Variants in TEAD4 observed in about 807,000 individuals in gnomAD.
TEAD4 encodes transcriptional enhancer factor TEF-3.
Under a neutral mutation model 52.4 loss-of-function variants are expected in TEAD4, and 36 were observed. That is an observed-to-expected ratio of 0.69 (90% confidence interval 0.53 to 0.91). The LOEUF (loss-of-function observed/expected upper bound fraction) is 0.91. Among genes scored for constraint, TEAD4 ranks in the 40% least tolerant of loss-of-function variants. TEAD4 has a pLI of 0.00. For synonymous variants in TEAD4, 220 were observed against 231.0 expected, an observed-to-expected ratio of 0.95 and a Z score of 0.43; for missense variants, 508 against 583.9, an observed-to-expected ratio of 0.87 and a Z score of 1.34.
intron 2 of TEAD4, among the ~76,000 whole-genome samples, chr12:2,964,107 CCCT>C (rs900763015): frequency 2.6e-5 from 4 of 152,110 alleles, no homozygotes; most frequent in African/African-American, 9.7e-5. Context: ...TGGGGTGGGG[CCCT>C]CCTCCAAAGG....
At position 2,994,625 on chromosome 12, in the gene TEAD4, G is replaced by A. The variant is rs149772730; in HGVS notation, c.-29-113G>A. The A allele has an allele frequency of 5.1e-6, 7 of 1,364,036 alleles. 1 individual carries two copies. The highest frequency in any genetic ancestry group is 2.7e-4 in the Middle Eastern group (1 of 3,724). 84.5% of individuals were successfully genotyped at this position (1,364,036 alleles called of 1,614,324 possible). A position where few individuals can be genotyped will look rare whatever the true frequency, so the allele number is the denominator to read the frequency against. ...GATTCTCACAGATCTTTCACTTCACGCTTTGCTTCCTGAGCAACTGATTCG... is the reference window on the plus strand; with the variant it reads ...GATTCTCACAGATCTTTCACTTCACACTTTGCTTCCTGAGCAACTGATTCG... On this transcript the variant is annotated intron_variant, in intron 2 of 12. Transcript: ENST00000359864. The surrounding 1 kb of genome is among the most constrained non-coding windows in gnomAD (Gnocchi z 4.7).
At chr12:3,019,354 G>A (rs1028669997) in intron 8 of TEAD4, among the ~76,000 whole-genome samples, 184 bp downstream of exon 8, 2 of 152,178 alleles carry the variant, frequency 1.3e-5, no homozygotes, top group Admixed American at 6.5e-5. Flanking sequence ...CACCTCAGCC[G>A]TGTGCCAAGC....
At chr12:3,039,451 G>A (rs780525808) in intron 11 of TEAD4, among the ~76,000 whole-genome samples, 4 of 152,006 alleles carry the variant, frequency 2.6e-5, no homozygotes, top group Admixed American at 1.3e-4. Context: ...CAGTTTTATC[G>A]GCACTCCTAT....
At chr12:2,990,637 T>C (rs1040658592) in intron 2 of TEAD4, among the ~76,000 whole-genome samples, 4 of 151,960 alleles carry the variant, frequency 2.6e-5, no homozygotes, top group African/African-American at 9.7e-5. Context: ...AGCTAATTTG[T>C]GTATTTTTAG....
At chr12:2,971,619 G>GGTGGGA in intron 2 of TEAD4, among the ~76,000 whole-genome samples, 1 of 149,550 alleles carries the variant, frequency 6.7e-6, no homozygotes, top group Non-Finnish European at 1.5e-5. Context: ...GGGACTACAG[G>GGTGGGA]CACCCCCCAC....
At chr12:3,040,026 C>G (rs1591604978) in intron 11 of TEAD4, 81 bp from the exon 12 acceptor site, 20 of 1,572,004 alleles carry the variant, frequency 1.3e-5, no homozygotes, top group Non-Finnish European at 1.7e-5. Context: ...GGCTTTCTGC[C>G]TTTCCTTCCC....
intron 10 of TEAD4, among the ~76,000 whole-genome samples, chr12:3,024,086 C>CT (rs926687708): frequency 3.7e-4 from 55 of 146,740 alleles, no homozygotes; most frequent in East Asian, 7.9e-4. Context: ...AAAATGTTCA[C>CT]TTTTTTTTTT....
At chr12:2,987,588 C>T (rs1459472719) in intron 2 of TEAD4, among the ~76,000 whole-genome samples, 1 of 151,966 alleles carries the variant, frequency 6.6e-6, no homozygotes, top group Non-Finnish European at 1.5e-5. Flanking sequence ...GTGCCCGCCA[C>T]TGCACCCAGC....
intron 3 of TEAD4, among the ~76,000 whole-genome samples, chr12:3,002,979 T>A (rs113040849): frequency 1.3e-5 from 2 of 152,294 alleles, no homozygotes; most frequent in African/African-American, 4.8e-5. Flanking sequence ...ATAGCCTCCT[T>A]CTCCAGCCCC....
At chr12:2,990,461 CTTTTTTTTTTTTTTTTT>C (rs71057876) in intron 2 of TEAD4, among the ~76,000 whole-genome samples, 1 of 67,000 alleles carries the variant, frequency 1.5e-5, no homozygotes, top group South Asian at 6.7e-4. Context: ...GACAGATAAT[CTTTTTTTTTTTTTTTTT>C]TTTTTTTTTT....
intron 3 of TEAD4, among the ~76,000 whole-genome samples, chr12:3,000,192 G>A (rs1431206184): frequency 2.6e-5 from 4 of 152,192 alleles, no homozygotes; most frequent in Admixed American, 6.5e-5. Flanking sequence ...GTCCACAGCC[G>A]ATATTAACCA....
At chr12:3,028,951 AAATT>A (rs1205547210) in intron 10 of TEAD4, among the ~76,000 whole-genome samples, 1 of 152,096 alleles carries the variant, frequency 6.6e-6, no homozygotes, top group African/African-American at 2.4e-5. Context: ...TTTTTATAAT[AAATT>A]GGGTTATTTT....
At chr12:3,018,158 G>T (rs1448276950) in intron 6 of TEAD4, among the ~76,000 whole-genome samples, 1 of 152,222 alleles carries the variant, frequency 6.6e-6, no homozygotes, top group Non-Finnish European at 1.5e-5. Flanking sequence ...GCGTCCCAGA[G>T]AGCACTAGTC....
intron 2 of TEAD4, among the ~76,000 whole-genome samples, chr12:2,976,313 T>G (rs6489414): frequency 0.84 from 125,162 of 149,716 alleles, 53,134 homozygotes; most frequent in Non-Finnish European, 0.91. Context: ...CACCTGGCCA[T>G]CTCATTTCTT....
intron 9 of TEAD4, among the ~76,000 whole-genome samples, chr12:3,021,307 CTTTTTT>C (rs371527718): frequency 1.2e-4 from 16 of 133,164 alleles, no homozygotes; most frequent in South Asian, 2.4e-4. Context: ...CTTCAAACTT[CTTTTTT>C]TTTTTTTTTT....
chr12:2,962,070 A>G (rs1565517950), intron 2 of TEAD4, among the ~76,000 whole-genome samples: 1 of 151,710 alleles, frequency 6.6e-6, no homozygotes, highest in Non-Finnish European at 1.5e-5. Flanking sequence ...TAGATACCCT[A>G]ATGTCAGCAT....
chr12:3,016,552 C>T (rs926099180), intron 5 of TEAD4, among the ~76,000 whole-genome samples: 3 of 151,086 alleles, frequency 2.0e-5, no homozygotes, highest in African/African-American at 7.3e-5. Context: ...CTGTAGTGAG[C>T]CATGATTGTG....
chr12:2,994,372 G>A lies in TEAD4; in HGVS notation c.-29-366G>A, dbSNP rs977540840. 5.3e-5 allele frequency among the ~76,000 whole-genome samples: 8 copies of A among 152,122 alleles called. No homozygotes were observed. Among genetic ancestry groups the A allele is most frequent in the Non-Finnish European group, 8.8e-5 (6 of 68,026 alleles). ...ATTACAGGCGTGAGCCACAGCGCCC[G>A]GCCTGTACCATTTTGCATTCCCACC... On this transcript the variant is annotated intron_variant, in intron 2 of 12. Coordinates refer to ENST00000359864, the MANE Select transcript of TEAD4 (RefSeq NM_003213.4). The surrounding 1 kb of genome is among the most constrained non-coding windows in gnomAD (Gnocchi z 4.7).
intron 10 of TEAD4, among the ~76,000 whole-genome samples, chr12:3,029,087 G>T (rs1263219708): frequency 6.6e-6 from 1 of 151,518 alleles, no homozygotes; most frequent in African/African-American, 2.4e-5. Flanking sequence ...TTTTTCTTCA[G>T]AGACAGGGTC....
Sources: allele counts gnomAD v4.1 joint callset (sites outside exome capture counted in the v4.1 genomes callset), GRCh38; gene constraint gnomAD v4.1.1; non-coding constraint Gnocchi (gnomAD v3.1); transcripts MANE v1.5; gene names NCBI Gene and HGNC (gene_info 2026-07-23, HGNC 2026-07-21).